The following STK3 variants were observed in gnomAD, a reference collection of about 807,000 sequenced individuals.
STK3 encodes serine/threonine-protein kinase 3.
In STK3, 41 loss-of-function variants were observed where a neutral mutation model predicts 58.0. The observed-to-expected ratio is 0.71, with a 90% CI of 0.55 to 0.92. STK3 has a LOEUF of 0.92. Among genes scored for constraint, STK3 ranks in the 40% least tolerant of loss-of-function variants. The pLI, the probability that STK3 is intolerant of heterozygous loss-of-function variation, is 0.00. For missense variants in STK3, 479 were observed against 602.7 expected, an observed-to-expected ratio of 0.79 and a Z score of 2.15; for synonymous variants, 170 against 191.0, an observed-to-expected ratio of 0.89 and a Z score of 0.91.
chr8:98,413,234 C>T (rs1400139960), intron 3 of STK3: 3 of 320,606 alleles, frequency 9.4e-6, no homozygotes, highest in Admixed American at 4.2e-5. Flanking sequence ...AGGCTGGTCT[C>T]GGACTCCTGA....
At chr8:98,425,689 A>G (rs1363596356) in intron 3 of STK3, among the ~76,000 whole-genome samples, 1 of 152,196 alleles carries the variant, frequency 6.6e-6, no homozygotes, top group Non-Finnish European at 1.5e-5. Context: ...CCCCATTCGA[A>G]GCCAGATTAA....
chr8:98,502,990 C>T (rs183352574), intron 10 of STK3, among the ~76,000 whole-genome samples: 2 of 152,294 alleles, frequency 1.3e-5, no homozygotes, highest in East Asian at 3.9e-4. Flanking sequence ...ACCAGCTCTT[C>T]TTTGTACCTC....
chr8:98,633,493 G>T, intron 6 of STK3: 1 of 631,834 alleles, frequency 1.6e-6, no homozygotes, highest in Non-Finnish European at 2.9e-6. Flanking sequence ...GAACGATGGC[G>T]GTGGCGTTGG....
intron 4 of STK3, among the ~76,000 whole-genome samples, chr8:98,743,145 G>A: frequency 6.6e-6 from 1 of 151,760 alleles, no homozygotes; most frequent in Non-Finnish European, 1.5e-5. Flanking sequence ...CGTGAAAATG[G>A]CCATACTGCC....
chr8:98,855,463 A>G (rs530966540), intron 3 of STK3, among the ~76,000 whole-genome samples: 2 of 152,340 alleles, frequency 1.3e-5, no homozygotes, highest in South Asian at 4.1e-4. Flanking sequence ...AGCCACATGC[A>G]AAAGAATGAA....
At chr8:98,809,770 GGCTGTTGTACATAAT>G (rs1834103870) in intron 1 of STK3, among the ~76,000 whole-genome samples, 1 of 152,034 alleles carries the variant, frequency 6.6e-6, no homozygotes, top group Non-Finnish European at 1.5e-5. Flanking sequence ...TCCACCTTTG[GGCTGTTGTACATAAT>G]GCTGCTATGA....
At chr8:98,607,297 C>CT (rs1255180502) in intron 6 of STK3, among the ~76,000 whole-genome samples, 1 of 152,122 alleles carries the variant, frequency 6.6e-6, no homozygotes. Context: ...CAAGTCAAAT[C>CT]TTTTTTTCAT....
intron 6 of STK3, among the ~76,000 whole-genome samples, chr8:98,608,436 T>A (rs2130164485): frequency 6.6e-6 from 1 of 152,334 alleles, no homozygotes; most frequent in South Asian, 2.1e-4. Flanking sequence ...TATTTTCTTC[T>A]GTTTGATGCA....
chr8:98,705,456 GCAGA>G (rs754495143), intron 6 of STK3, among the ~76,000 whole-genome samples: 3 of 150,918 alleles, frequency 2.0e-5, no homozygotes, highest in Non-Finnish European at 4.4e-5. Context: ...TTTCAATACA[GCAGA>G]CAGATTTTTA....
intron 1 of STK3, among the ~76,000 whole-genome samples, chr8:98,776,145 A>G (rs1003572908): frequency 6.6e-6 from 1 of 151,814 alleles, no homozygotes; most frequent in Non-Finnish European, 1.5e-5. Flanking sequence ...GACTCTGACT[A>G]CAGCCCCTAC....
chr8:98,683,836 C>A (rs964354894), intron 6 of STK3, among the ~76,000 whole-genome samples: 2 of 152,122 alleles, frequency 1.3e-5, no homozygotes, highest in Non-Finnish European at 2.9e-5. Flanking sequence ...AAACAAAACA[C>A]TACCCTAAAT....
At chr8:98,691,145 C>A (rs559955804) in intron 6 of STK3, among the ~76,000 whole-genome samples, 64 of 152,096 alleles carry the variant, frequency 4.2e-4, no homozygotes, top group Non-Finnish European at 7.4e-4. Context: ...TCAGCAGAAG[C>A]CCAAACCTCA....
upstream of STK3, among the ~76,000 whole-genome samples, chr8:98,825,860 C>G (rs557893583): frequency 1.7e-4 from 12 of 72,120 alleles, no homozygotes; most frequent in African/African-American, 6.3e-4. Flanking sequence ...CCCCGGCCGC[C>G]CCGCCCCGCC....
intron 7 of STK3, chr8:98,595,409 G>C (rs557109832): frequency 6.6e-6 from 1 of 151,280 alleles, no homozygotes; most frequent in African/African-American, 2.4e-5. Flanking sequence ...CTTAACAATA[G>C]AAATCATTTA....
chr8:98,914,747 C>A (rs1029902275), intron 1 of STK3, among the ~76,000 whole-genome samples: 6 of 152,128 alleles, frequency 3.9e-5, no homozygotes, highest in African/African-American at 1.4e-4. Context: ...GCTAAACGTG[C>A]TGATATGCTG....
chr8:98,477,351 C>T (rs1821405673), intron 10 of STK3, among the ~76,000 whole-genome samples: 1 of 152,024 alleles, frequency 6.6e-6, no homozygotes, highest in Non-Finnish European at 1.5e-5. Flanking sequence ...CAATCTAATT[C>T]TTAGGCCTAG....
chr8:98,904,027 T>C (rs1167296630), intron 1 of STK3, among the ~76,000 whole-genome samples: 1 of 152,174 alleles, frequency 6.6e-6, no homozygotes, highest in Non-Finnish European at 1.5e-5. Context: ...AATGTTTATT[T>C]GTCAAAAAAT....
At chr8:98,861,024 C>T (rs1347209913) in intron 3 of STK3, among the ~76,000 whole-genome samples, 4 of 152,072 alleles carry the variant, frequency 2.6e-5, no homozygotes, top group Non-Finnish European at 5.9e-5. Context: ...CACACCACTA[C>T]ACTCCAGCCT....
At chr8:98,696,554 T>C (rs1056872457) in intron 6 of STK3, among the ~76,000 whole-genome samples, 6 of 152,016 alleles carry the variant, frequency 3.9e-5, no homozygotes, top group Non-Finnish European at 8.8e-5. Context: ...TTATGGAGAG[T>C]TTTTAGCATG....
Sources: gnomAD v4.1 joint callset for allele counts (sites outside exome capture counted in the v4.1 genomes callset) on GRCh38, gnomAD v4.1.1 for gene constraint, MANE v1.5 for transcripts, NCBI Gene and HGNC (gene_info 2026-07-23, HGNC 2026-07-21) for gene names.